The following NHP2 variants were observed in gnomAD, a reference collection of about 807,000 sequenced individuals.
NHP2 encodes the protein H/ACA ribonucleoprotein complex subunit 2.
NHP2 carries 10 observed loss-of-function variants against 16.7 expected under a neutral mutation model. That is an observed-to-expected ratio of 0.60 (90% CI 0.37 to 1.01). NHP2 has a LOEUF of 1.01. Ranked by LOEUF, NHP2 falls within the 50% of genes least tolerant of loss-of-function variation. The probability of loss-of-function intolerance (pLI) is 0.01; values close to 1 mark genes in which losing one functional copy is unlikely to be tolerated. For missense variants in NHP2, 184 were observed against 198.3 expected (o/e 0.93, Z 0.43); for synonymous variants, 87 against 78.9 (o/e 1.10, Z -0.54).
At chr5:178,152,190 A>G (rs901571302) in intron 2 of NHP2, among the ~76,000 whole-genome samples, 2 of 152,190 alleles carry the variant, frequency 1.3e-5, no homozygotes, top group African/African-American at 4.8e-5. Context: ...GAAAAATCTT[A>G]GGGTGTAAAA....
intron 3 of NHP2, 98 bp from the exon 4 acceptor site, chr5:178,149,936 A>G (rs1581135501): frequency 2.2e-6 from 3 of 1,334,650 alleles, no homozygotes; most frequent in East Asian, 2.3e-5. Context: ...CTGGCCCACA[A>G]CCATGTTCTG....
chr5:178,149,850 AAAG>A lies in NHP2; in HGVS notation c.337-15_337-13del, dbSNP rs1282059422. The A allele has an allele frequency of 1.2e-6, 2 of 1,612,896 alleles. No homozygotes were observed. The highest frequency in any genetic ancestry group is 2.2e-5 in the East Asian group (1 of 44,866). ...GCTGCACCCAGGTCCTACAGAGGGG[AAAG>A]AAGTGCTGTTTGGAAAAAAGCTGTA... is the stretch of plus-strand genomic sequence containing the variant. On this transcript the variant is annotated splice_polypyrimidine_tract_variant and intron_variant, in intron 3 of 3. Transcript: ENST00000274606.
At chr5:178,150,088 G>A in intron 3 of NHP2, 1 of 390,926 alleles carries the variant, frequency 2.6e-6, no homozygotes, top group Non-Finnish European at 4.7e-6. Context: ...AGCAGGGGCT[G>A]TCCCGGTCCC....
chr5:178,150,840 C>T (rs925887067), intron 3 of NHP2, 48 bp downstream of exon 3: 2 of 1,234,662 alleles, frequency 1.6e-6, no homozygotes, highest in Non-Finnish European at 2.4e-6. Context: ...GCAGACTATC[C>T]CAGACACCCC....
At chr5:178,149,900 A>G (rs1203747326) in intron 3 of NHP2, 62 bp from the exon 4 acceptor site, 1 of 1,585,630 alleles carries the variant, frequency 6.3e-7, no homozygotes, top group African/African-American at 1.3e-5. Flanking sequence ...CCAGGAAGTC[A>G]CCAACTGATG....
In NHP2 at chr5:178,150,017, G is replaced by A. The variant is rs144320853; in HGVS notation, c.337-179C>T. 2.6e-4 allele frequency: 158 copies of A among 606,640 alleles called. 1 individual carries two copies. In the East Asian group the frequency reaches 5.1e-3, roughly 20 times the overall value. 37.6% of individuals were successfully genotyped at this position (606,640 alleles called of 1,614,324 possible). A position where few individuals can be genotyped will look rare whatever the true frequency, so the allele number is the denominator to read the frequency against. ...ATTTAAACTCAATCAGACTTTGAAGGCATGGTCCAGCCACACAGGGCCTAC... is the reference window on the plus strand; with the variant it reads ...ATTTAAACTCAATCAGACTTTGAAGACATGGTCCAGCCACACAGGGCCTAC... On this transcript the variant is annotated intron_variant, in intron 3 of 3. Transcript: ENST00000274606.
At chr5:178,153,067 G>T (rs1037470735) in intron 2 of NHP2, among the ~76,000 whole-genome samples, 3 of 152,220 alleles carry the variant, frequency 2.0e-5, no homozygotes, top group African/African-American at 7.2e-5. Context: ...CAACCTGGGT[G>T]AGAGCTAGAC....
At chr5:178,153,603 C>A in intron 1 of NHP2, 43 bp from the exon 2 acceptor site, 2 of 1,613,654 alleles carry the variant, frequency 1.2e-6, no homozygotes, top group Non-Finnish European at 1.7e-6. Flanking sequence ...GCTCAGCCAC[C>A]CGCGCACCCA....
At chr5:178,151,996 C>T (rs975177210) in intron 2 of NHP2, among the ~76,000 whole-genome samples, 8 of 152,120 alleles carry the variant, frequency 5.3e-5, no homozygotes, top group Non-Finnish European at 1.2e-4. Context: ...CCCTCTGTCC[C>T]TCCAGCTGGG....
At chr5:178,150,420 G>A (rs1035281127) in intron 3 of NHP2, 21 of 314,828 alleles carry the variant, frequency 6.7e-5, no homozygotes, top group African/African-American at 4.6e-4. Flanking sequence ...ACTCTGTCAT[G>A]CAGTCTGGAG....
chr5:178,153,389 T>G (rs1229704271), intron 2 of NHP2, 102 bp downstream of exon 2: 4 of 1,192,166 alleles, frequency 3.4e-6, no homozygotes, highest in Non-Finnish European at 5.0e-6. Context: ...CTTCTGTATA[T>G]GGGGCTAGGT....
intron 2 of NHP2, among the ~76,000 whole-genome samples, chr5:178,151,852 T>G (rs1756285836): frequency 6.6e-6 from 1 of 152,088 alleles, no homozygotes; most frequent in South Asian, 2.1e-4. Context: ...TCTGCCTGTT[T>G]GACAGTTCTC....
intron 2 of NHP2, among the ~76,000 whole-genome samples, chr5:178,152,319 A>G (rs1257061126): frequency 6.6e-6 from 1 of 152,136 alleles, no homozygotes; most frequent in African/African-American, 2.4e-5. Flanking sequence ...ACTTCTGCTC[A>G]CCAGACCCTC....
chr5:178,152,343 C>A (rs146957772), intron 2 of NHP2, among the ~76,000 whole-genome samples: 2 of 152,292 alleles, frequency 1.3e-5, no homozygotes, highest in East Asian at 3.9e-4. Flanking sequence ...TGCCCAGAGG[C>A]CCACTCTTTC....
chr5:178,153,592 C>G (rs753481629), intron 1 of NHP2, 32 bp from the exon 2 acceptor site: 33 of 1,612,924 alleles, frequency 2.0e-5, no homozygotes, highest in African/African-American at 2.7e-5. Flanking sequence ...TCGGGGGCCT[C>G]GCTCAGCCAC....
At chr5:178,150,680 G>A (rs537144976) in intron 3 of NHP2, 1 of 708,404 alleles carries the variant, frequency 1.4e-6, no homozygotes, top group Non-Finnish European at 2.6e-6. Context: ...ACAGCGCCTG[G>A]GCTGGGATTC....
intron 2 of NHP2, among the ~76,000 whole-genome samples, chr5:178,152,496 A>G (rs1005365343): frequency 1.3e-5 from 2 of 152,044 alleles, no homozygotes; most frequent in African/African-American, 2.4e-5. Context: ...TCTGCCCAAC[A>G]TTATTGATCT....
intron 2 of NHP2, among the ~76,000 whole-genome samples, chr5:178,151,828 A>G (rs1021798648): frequency 2.0e-5 from 3 of 152,006 alleles, no homozygotes; most frequent in African/African-American, 7.3e-5. Context: ...CCATGCTCCA[A>G]ACCCCTATAG....
At chr5:178,153,616 C>A in intron 1 of NHP2, 42 bp downstream of exon 1, 1 of 1,613,880 alleles carries the variant, frequency 6.2e-7, no homozygotes, top group Non-Finnish European at 8.5e-7. Context: ...CGCACCCATC[C>A]CACCCGCGCA....
Sources: allele counts gnomAD v4.1 joint callset (sites outside exome capture counted in the v4.1 genomes callset), GRCh38; gene constraint gnomAD v4.1.1; transcripts MANE v1.5; gene names NCBI Gene and HGNC (gene_info 2026-07-23, HGNC 2026-07-21).